Variants in DLG2 observed in about 807,000 individuals in gnomAD.
The protein encoded by DLG2 is discs large MAGUK scaffold protein 2.
Under a neutral mutation model 132.5 loss-of-function variants are expected in DLG2, and 45 were observed. That is an observed-to-expected ratio of 0.34 (90% CI 0.27 to 0.44). DLG2 has a LOEUF of 0.44. DLG2 is among the 20% of genes least tolerant of loss of function. The pLI is 1.00. For synonymous variants in DLG2, 424 were observed against 419.6 expected (o/e 1.01, Z -0.13); for missense variants, 1,045 against 1,196.9 (o/e 0.87, Z 1.87).
At chr11:84,243,066 T>A (rs1283212074) in intron 8 of DLG2, among the ~76,000 whole-genome samples, 1 of 150,630 alleles carries the variant, frequency 6.6e-6, no homozygotes, top group Admixed American at 6.6e-5. Context: ...GAACCTAGAG[T>A]ATAATCATTT....
chr11:83,555,616 C>T (rs959533326), intron 19 of DLG2, among the ~76,000 whole-genome samples: 7 of 115,424 alleles, frequency 6.1e-5, no homozygotes, highest in African/African-American at 2.5e-4. Flanking sequence ...CAGAATATAT[C>T]ATTTTTTTTT....
intron 8 of DLG2, among the ~76,000 whole-genome samples, chr11:84,244,418 T>G (rs2154345726): frequency 6.6e-6 from 1 of 152,288 alleles, no homozygotes; most frequent in Admixed American, 6.5e-5. Flanking sequence ...ACTCCTGACC[T>G]CAGTTGATCC....
intron 3 of DLG2, among the ~76,000 whole-genome samples, chr11:85,388,053 C>T (rs1023299544): frequency 6.6e-6 from 1 of 152,142 alleles, no homozygotes; most frequent in Non-Finnish European, 1.5e-5. Context: ...GTGACAAGTA[C>T]TCAGCCCTGC....
At chr11:84,004,969 T>G (rs535817883) in intron 11 of DLG2, among the ~76,000 whole-genome samples, 8 of 136,204 alleles carry the variant, frequency 5.9e-5, no homozygotes, top group Non-Finnish European at 1.2e-4. Context: ...AGAGCCAGAA[T>G]AGCTGAAGCA....
intron 4 of DLG2, among the ~76,000 whole-genome samples, chr11:85,277,690 AGTTT>A (rs200022161): frequency 0.02 from 2,991 of 152,220 alleles, 58 homozygotes; most frequent in Admixed American, 0.037. Context: ...TTTACAAGTT[AGTTT>A]GAGTGTATTT....
At chr11:83,844,014 A>G (rs1445785225) in intron 16 of DLG2, among the ~76,000 whole-genome samples, 2 of 152,316 alleles carry the variant, frequency 1.3e-5, no homozygotes, top group East Asian at 3.9e-4. Flanking sequence ...GAAAGCAAGT[A>G]CTGAGAATAG....
At chr11:83,586,105 C>T (rs575699247) in intron 19 of DLG2, among the ~76,000 whole-genome samples, 20 of 152,284 alleles carry the variant, frequency 1.3e-4, no homozygotes, top group African/African-American at 4.8e-4. Context: ...GAAGAACAGA[C>T]AAAAACAGGT....
intron 21 of DLG2, among the ~76,000 whole-genome samples, chr11:83,524,387 G>A (rs1007167493): frequency 2.0e-5 from 3 of 151,880 alleles, no homozygotes; most frequent in African/African-American, 7.3e-5. Flanking sequence ...TTTTTAATAA[G>A]CACCTCAGCT....
intron 6 of DLG2, among the ~76,000 whole-genome samples, chr11:85,026,229 G>T (rs955275523): frequency 6.6e-6 from 1 of 151,986 alleles, no homozygotes; most frequent in Non-Finnish European, 1.5e-5. Flanking sequence ...TAGCCAAAAG[G>T]TTCTTAAATA....
intron 7 of DLG2, among the ~76,000 whole-genome samples, chr11:84,465,925 C>G (rs368504011): frequency 6.6e-6 from 1 of 151,036 alleles, no homozygotes; most frequent in African/African-American, 2.4e-5. Context: ...GCTTTTGACT[C>G]TTCACTTTTT....
intron 19 of DLG2, among the ~76,000 whole-genome samples, chr11:83,623,991 C>T (rs511740): frequency 0.32 from 48,906 of 152,044 alleles, 8,524 homozygotes; most frequent in East Asian, 0.5. Flanking sequence ...GTACCTCCTG[C>T]GGAGATGAGA....
At chr11:85,422,333 T>C (rs926428968) in intron 3 of DLG2, among the ~76,000 whole-genome samples, 4 of 152,162 alleles carry the variant, frequency 2.6e-5, no homozygotes, top group Non-Finnish European at 5.9e-5. Context: ...ACTCTTAGGT[T>C]TGGTTGTTTA....
chr11:84,655,854 C>T (rs1448366847), intron 6 of DLG2, among the ~76,000 whole-genome samples: 1 of 151,918 alleles, frequency 6.6e-6, no homozygotes, highest in South Asian at 2.1e-4. Context: ...CCTTTTCATC[C>T]ACCCATGCAA....
At chr11:84,613,502 A>T (rs1409410634) in intron 6 of DLG2, among the ~76,000 whole-genome samples, 1 of 152,120 alleles carries the variant, frequency 6.6e-6, no homozygotes, top group Non-Finnish European at 1.5e-5. Flanking sequence ...AAGGTGAAGA[A>T]AATAGTATCT....
chr11:85,460,949 A>T (rs4944516), intron 3 of DLG2, among the ~76,000 whole-genome samples: 135,819 of 152,286 alleles, frequency 0.89, 61,139 homozygotes, highest in Middle Eastern at 0.95. Context: ...CTTTTGGCTT[A>T]TTTGTTGGTT....
At chr11:85,511,717 G>A (rs1438144166) in intron 3 of DLG2, among the ~76,000 whole-genome samples, 1 of 116,040 alleles carries the variant, frequency 8.6e-6, no homozygotes, top group African/African-American at 3.3e-5. Context: ...GTAAATGTTT[G>A]AAGTTTCTTT....
intron 17 of DLG2, among the ~76,000 whole-genome samples, chr11:83,818,358 G>A (rs942164457): frequency 6.6e-6 from 1 of 152,154 alleles, no homozygotes; most frequent in African/African-American, 2.4e-5. Context: ...GATCTGGGAA[G>A]GTCTTTCCAT....
At chr11:84,185,841 T>TTTC (rs1462609528) in intron 8 of DLG2, among the ~76,000 whole-genome samples, 2 of 152,216 alleles carry the variant, frequency 1.3e-5, no homozygotes, top group African/African-American at 4.8e-5. Flanking sequence ...AATGGAAATG[T>TTTC]TTCTAAGGCA....
intron 7 of DLG2, among the ~76,000 whole-genome samples, chr11:84,424,641 C>A (rs1040021324): frequency 1.3e-5 from 2 of 151,966 alleles, no homozygotes; most frequent in Non-Finnish European, 2.9e-5. Flanking sequence ...GATCTAGAAA[C>A]CATGTTCTTA....
Sources: gnomAD v4.1 joint callset for allele counts (sites outside exome capture counted in the v4.1 genomes callset) on GRCh38, gnomAD v4.1.1 for gene constraint, MANE v1.5 for transcripts, NCBI Gene and HGNC (gene_info 2026-07-23, HGNC 2026-07-21) for gene names.